The following CDIN1 variants were observed in gnomAD, a reference collection of about 807,000 sequenced individuals.
The protein encoded by CDIN1 is CDAN1-interacting nuclease 1.
Under a neutral mutation model 45.3 loss-of-function variants are expected in CDIN1, and 33 were observed. The observed-to-expected ratio is 0.73, with a 90% CI of 0.55 to 0.97. The LOEUF (loss-of-function observed/expected upper bound fraction) is 0.97, where lower values mean the gene tolerates loss of function less well. Among genes scored for constraint, CDIN1 ranks in the 50% least tolerant of loss-of-function variants. CDIN1 has a pLI of 0.00. For missense variants in CDIN1, 303 were observed against 339.4 expected (o/e 0.89, Z 0.84); for synonymous variants, 118 against 124.4 (o/e 0.95, Z 0.34).
chr15:36,801,226 G>GTAT lies in CDIN1; in HGVS notation c.717-7095_717-7093dup, dbSNP rs910666423. On this transcript the variant is annotated intron_variant, in intron 10 of 10. Coordinates refer to ENST00000566621, the MANE Select transcript of CDIN1 (RefSeq NM_001321759.2). Reference sequence around the variant, plus strand: ...GTAATTCAGCTCATTGGGAAGAAAAGTATTAGGTCAATTTCAGCAGTTTCC... The same window carrying GTAT: ...GTAATTCAGCTCATTGGGAAGAAAAGTATTATTAGGTCAATTTCAGCAGTTTCC... Among the ~76,000 whole-genome samples, 3 of 151,930 alleles carry GTAT rather than the reference G, an allele frequency of 2.0e-5. No homozygotes were observed. The East Asian group carries it at 5.8e-4, about 30-fold the overall frequency.
In CDIN1 at chr15:36,742,464, A is replaced by C. The variant is rs957376710; in HGVS notation, c.716+32503A>C. Among the ~76,000 whole-genome samples, 6 of 152,292 alleles carry C rather than the reference A, an allele frequency of 3.9e-5. No homozygotes were observed. In the South Asian group the frequency reaches 1.0e-3, roughly 26 times the overall value. ...CAAAAAATCAGTACATTGAGTTTTG[A>C]TGGCCAACGAAGAAGGCAAAAATCA... is the stretch of plus-strand genomic sequence containing the variant. On this transcript the variant is annotated intron_variant, in intron 10 of 10. Transcript: ENST00000566621.
intron 1 of CDIN1, among the ~76,000 whole-genome samples, chr15:36,582,216 T>C (rs990696658): frequency 2.0e-5 from 3 of 152,218 alleles, no homozygotes; most frequent in Admixed American, 6.5e-5. Flanking sequence ...TTGTTATCAT[T>C]AATTCAAGTA....
chr15:36,726,597 CTTAACTA>C (rs1209921326), intron 10 of CDIN1, among the ~76,000 whole-genome samples: 1 of 152,200 alleles, frequency 6.6e-6, no homozygotes, highest in Non-Finnish European at 1.5e-5. Flanking sequence ...CTGCTTTTCA[CTTAACTA>C]TTACATGGAT....
chr15:36,734,466 T>C lies in CDIN1; in HGVS notation c.716+24505T>C, dbSNP rs1273312369. ...CAGTCCTAAAGCTTAATTAACAGTA[T>C]ATCTCCAAGCTGAATTACAGCAGAG... On this transcript the variant is annotated intron_variant, in intron 10 of 10. Transcript: ENST00000566621. 17 of 343,008 alleles carry C rather than the reference T, an allele frequency of 5.0e-5. No homozygotes were observed. In the East Asian group the frequency reaches 1.2e-3, roughly 24 times the overall value. 21.2% of individuals were successfully genotyped at this position (343,008 alleles called of 1,614,324 possible).
intron 1 of CDIN1, among the ~76,000 whole-genome samples, chr15:36,592,601 G>A (rs1017913906): frequency 6.6e-6 from 1 of 152,140 alleles, no homozygotes; most frequent in Non-Finnish European, 1.5e-5. Context: ...TCATTGTTGG[G>A]TTGTTGGGCT....
intron 1 of CDIN1, among the ~76,000 whole-genome samples, chr15:36,601,624 GT>G: frequency 6.6e-6 from 1 of 152,292 alleles, no homozygotes; most frequent in East Asian, 1.9e-4. Context: ...CTGCCATGAG[GT>G]CACAAATATG....
chr15:36,654,718 A>T lies in CDIN1; in HGVS notation c.273+560A>T, dbSNP rs113400470. On this transcript the variant is annotated intron_variant, in intron 4 of 10. Transcript: ENST00000566621. ...AGTGATTTATTGAACTTATTCGTTA[A>T]CTCTGATCTGCTTCTGTTTGGGGAA... Among the ~76,000 whole-genome samples the T allele has an allele frequency of 8.4e-3, 1,285 of 152,272 alleles. 13 individuals are homozygous for T. The highest frequency in any genetic ancestry group is 0.03 in the African/African-American group (1,234 of 41,556).
chr15:36,752,107 T>C (rs778285400), intron 10 of CDIN1, among the ~76,000 whole-genome samples: 3 of 152,198 alleles, frequency 2.0e-5, no homozygotes, highest in Non-Finnish European at 4.4e-5. Context: ...CACGTTTACC[T>C]ATGTAACAAA....
chr15:36,770,583 G>A (rs2054049956), intron 10 of CDIN1, among the ~76,000 whole-genome samples: 1 of 151,942 alleles, frequency 6.6e-6, no homozygotes. Context: ...CAAGGAGCTG[G>A]GACTACAGGC....
chr15:36,614,162 G>T (rs2038778550), intron 1 of CDIN1: 1 of 699,976 alleles, frequency 1.4e-6, no homozygotes, highest in Middle Eastern at 2.5e-4. Flanking sequence ...GTACACAGAG[G>T]TTGCTGGACC....
intron 1 of CDIN1, among the ~76,000 whole-genome samples, chr15:36,616,690 G>A (rs1054924417): frequency 2.0e-5 from 3 of 151,990 alleles, no homozygotes; most frequent in Non-Finnish European, 4.4e-5. Context: ...TGAGGTGGGC[G>A]GATCACAAGG....
intron 8 of CDIN1, among the ~76,000 whole-genome samples, chr15:36,699,587 A>C (rs2042559670): frequency 6.6e-6 from 1 of 152,140 alleles, no homozygotes; most frequent in South Asian, 2.1e-4. Flanking sequence ...CTCATCTTTT[A>C]ATATATTAAC....
rs1354850423 is a variant in CDIN1, at chr15:36,760,265, C to A, written c.717-48059C>A. On this transcript the variant is annotated intron_variant, in intron 10 of 10. Coordinates refer to ENST00000566621, the MANE Select transcript of CDIN1 (RefSeq NM_001321759.2). ...TAAGACATGGAAAGTACAATAGCCT[C>A]AGTCAACATTTTCATTCTCTTCTGT... is the stretch of plus-strand genomic sequence containing the variant. Among the ~76,000 whole-genome samples the A allele has an allele frequency of 2.0e-5, 3 of 152,146 alleles. No homozygotes were observed. In the South Asian group the frequency reaches 6.2e-4, roughly 32 times the overall value.
chr15:36,663,716 G>A (rs971306070), intron 5 of CDIN1, among the ~76,000 whole-genome samples: 1 of 152,022 alleles, frequency 6.6e-6, no homozygotes, highest in African/African-American at 2.4e-5. Context: ...TTCCACTCAA[G>A]GAAGCAAATT....
At chr15:36,695,122 A>G (rs955205779) in intron 7 of CDIN1, among the ~76,000 whole-genome samples, 1 of 152,262 alleles carries the variant, frequency 6.6e-6, no homozygotes, top group Non-Finnish European at 1.5e-5. Flanking sequence ...TTGCTGGAAC[A>G]TAAATGGCCA....
At chr15:36,709,755 C>A in intron 9 of CDIN1, 101 bp from the exon 10 acceptor site, 1 of 826,520 alleles carries the variant, frequency 1.2e-6, no homozygotes, top group Non-Finnish European at 2.1e-6. Flanking sequence ...AAGGGCTAAG[C>A]CTGTGCTCAT....
At chr15:36,777,385 G>A (rs1303361821) in intron 10 of CDIN1, among the ~76,000 whole-genome samples, 4 of 148,340 alleles carry the variant, frequency 2.7e-5, no homozygotes, top group South Asian at 2.1e-4. Context: ...TTAGAGTTAC[G>A]CTTTGTTGGT....
At chr15:36,596,022 C>T (rs1426665905) in intron 1 of CDIN1, among the ~76,000 whole-genome samples, 1 of 152,160 alleles carries the variant, frequency 6.6e-6, no homozygotes, top group Non-Finnish European at 1.5e-5. Flanking sequence ...CCGAGCACTG[C>T]TTCCTCAAGT....
At chr15:36,727,927 C>A (rs1038094594) in intron 10 of CDIN1, among the ~76,000 whole-genome samples, 2 of 152,032 alleles carry the variant, frequency 1.3e-5, no homozygotes, top group African/African-American at 4.8e-5. Flanking sequence ...AAATGGAATA[C>A]ACTTGTTGGT....
Sources: gnomAD v4.1 joint callset for allele counts (sites outside exome capture counted in the v4.1 genomes callset) on GRCh38, gnomAD v4.1.1 for gene constraint, MANE v1.5 for transcripts, NCBI Gene and HGNC (gene_info 2026-07-23, HGNC 2026-07-21) for gene names.